The following LRP1B variants were observed in gnomAD, a reference collection of about 807,000 sequenced individuals.
LRP1B encodes low-density lipoprotein receptor-related protein 1B.
Under a neutral mutation model 556.6 loss-of-function variants are expected in LRP1B, and 217 were observed. The observed-to-expected ratio is 0.39, with a 90% CI of 0.35 to 0.44. LRP1B has a LOEUF of 0.44. Ranked by LOEUF, LRP1B falls within the 20% of genes least tolerant of loss-of-function variation. LRP1B has a pLI of 1.00. For missense variants in LRP1B, 5,053 were observed against 5,620.8 expected, an observed-to-expected ratio of 0.90 and a Z score of 3.23; for synonymous variants, 2,047 against 1,865.8, an observed-to-expected ratio of 1.10 and a Z score of -2.50.
intron 41 of LRP1B, among the ~76,000 whole-genome samples, chr2:140,671,937 G>C (rs1430855629): frequency 1.3e-5 from 2 of 152,242 alleles, no homozygotes; most frequent in African/African-American, 4.8e-5. Flanking sequence ...GTCCTCAAAA[G>C]TCTCAAATCA....
intron 1 of LRP1B, among the ~76,000 whole-genome samples, chr2:141,900,348 T>C (rs2104932397): frequency 6.6e-6 from 1 of 152,216 alleles, no homozygotes; most frequent in South Asian, 2.1e-4. Context: ...ATGACACTGT[T>C]TGCAGATATG....
intron 1 of LRP1B, among the ~76,000 whole-genome samples, chr2:142,070,329 G>C (rs1363565232): frequency 6.6e-6 from 1 of 151,736 alleles, no homozygotes. Context: ...CCCACAAAGA[G>C]GCAGTTTATC....
At chr2:140,457,161 T>C (rs536919246) in intron 61 of LRP1B, among the ~76,000 whole-genome samples, 2 of 152,300 alleles carry the variant, frequency 1.3e-5, no homozygotes, top group East Asian at 3.9e-4. Flanking sequence ...GGATCCTCTA[T>C]TTTGTAAACA....
chr2:140,723,484 AAGAG>A (rs532202980), intron 35 of LRP1B, among the ~76,000 whole-genome samples: 1 of 152,310 alleles, frequency 6.6e-6, no homozygotes, highest in Admixed American at 6.5e-5. Context: ...TAAAGAAAGA[AAGAG>A]AGGAGAAGGG....
chr2:141,239,486 T>A (rs993436064), intron 5 of LRP1B, among the ~76,000 whole-genome samples: 3 of 152,080 alleles, frequency 2.0e-5, no homozygotes, highest in Admixed American at 2.0e-4. Context: ...GCTTGTATGC[T>A]GATGTGAATG....
intron 35 of LRP1B, among the ~76,000 whole-genome samples, chr2:140,742,763 G>A (rs1688184489): frequency 6.6e-6 from 1 of 151,880 alleles, no homozygotes; most frequent in African/African-American, 2.4e-5. Context: ...TTAGAGTAAT[G>A]CTACTACAAT....
At chr2:141,741,503 A>AGAT (rs58745533) in intron 2 of LRP1B, among the ~76,000 whole-genome samples, 46,380 of 151,302 alleles carry the variant, frequency 0.31, 7,405 homozygotes, top group East Asian at 0.52. Context: ...TTAACTGGTG[A>AGAT]GATATCTTAT....
intron 54 of LRP1B, 57 bp from the exon 55 acceptor site, chr2:140,501,931 A>T (rs1156525381): frequency 9.7e-6 from 12 of 1,234,078 alleles, no homozygotes; most frequent in Non-Finnish European, 1.3e-5. Context: ...TTTATACTAC[A>T]GTTGTTGAAA....
chr2:141,894,832 T>C (rs1699396754), intron 1 of LRP1B, among the ~76,000 whole-genome samples: 1 of 151,646 alleles, frequency 6.6e-6, no homozygotes, highest in Admixed American at 6.6e-5. Context: ...GACAGATCAC[T>C]TTAAGTTGGG....
intron 2 of LRP1B, among the ~76,000 whole-genome samples, chr2:141,614,881 T>A (rs981286768): frequency 1.3e-5 from 2 of 152,182 alleles, no homozygotes; most frequent in African/African-American, 4.8e-5. Flanking sequence ...CAAACTAATA[T>A]AAATTTTTAT....
chr2:140,706,268 T>A (rs1686833236), intron 37 of LRP1B, among the ~76,000 whole-genome samples: 1 of 152,120 alleles, frequency 6.6e-6, no homozygotes, highest in Non-Finnish European at 1.5e-5. Context: ...TTTGCAGTTG[T>A]GAAAAACGTG....
chr2:140,507,167 C>T, intron 52 of LRP1B, among the ~76,000 whole-genome samples: 1 of 151,906 alleles, frequency 6.6e-6, no homozygotes. Flanking sequence ...CCAGAGTGAC[C>T]CTGAATTCAA....
At chr2:141,565,326 A>T (rs769277584) in intron 2 of LRP1B, among the ~76,000 whole-genome samples, 2 of 152,182 alleles carry the variant, frequency 1.3e-5, no homozygotes, top group African/African-American at 2.4e-5. Context: ...GACACGATTC[A>T]AATGAAATTA....
rs1236166868 is a variant in LRP1B at position 140,716,009 on chromosome 2, T to A, written c.5987A>T (p.Asp1996Val). 1 of 1,611,048 alleles carries A rather than the reference T, an allele frequency of 6.2e-7. No homozygotes were observed. Among genetic ancestry groups the A allele is most frequent in the Non-Finnish European group, 8.5e-7 (1 of 1,177,964 alleles). ...FRYVIISQGL[D>V]QPRSIAVHPE... ...GTGCACAGCTATAGATCTTGGTTGA[T>A]CCAGGCCTTGGGAAATAATTACATA... The change falls in exon 37 of 91, where the codon GAT (aspartate) becomes GTT (valine). Residue 1996 changes from aspartate to valine, a missense_variant. Physicochemically the swap from Asp to Val is radical, Grantham distance 152 (BLOSUM62 -3). Transcript: ENST00000389484.
At chr2:140,787,942 C>T (rs538368284) in intron 32 of LRP1B, among the ~76,000 whole-genome samples, 1 of 152,146 alleles carries the variant, frequency 6.6e-6, no homozygotes, top group South Asian at 2.1e-4. Flanking sequence ...CACTCATACT[C>T]CAAAACCAGG....
chr2:140,702,641 G>C (rs1686691657), intron 37 of LRP1B, 88 bp from the exon 38 acceptor site: 8 of 1,184,440 alleles, frequency 6.8e-6, no homozygotes, highest in Non-Finnish European at 9.9e-6. Context: ...AATAACAGCA[G>C]TAGCATTCAC....
chr2:140,658,616 T>C (rs1014382469), intron 41 of LRP1B, among the ~76,000 whole-genome samples: 2 of 152,100 alleles, frequency 1.3e-5, no homozygotes, highest in South Asian at 2.1e-4. Context: ...AAAATGATGA[T>C]AAAACTCTAT....
chr2:141,866,772 A>G (rs1475203747), intron 1 of LRP1B, among the ~76,000 whole-genome samples: 1 of 151,824 alleles, frequency 6.6e-6, no homozygotes, highest in East Asian at 1.9e-4. Flanking sequence ...AAGAGGAGAA[A>G]AGGGGACAGG....
chr2:141,941,329 T>C (rs922280264), intron 1 of LRP1B, among the ~76,000 whole-genome samples: 1 of 152,332 alleles, frequency 6.6e-6, no homozygotes, highest in South Asian at 2.1e-4. Context: ...TGTGTGTACA[T>C]GGGCCACTCT....
Sources: allele counts gnomAD v4.1 joint callset (sites outside exome capture counted in the v4.1 genomes callset), GRCh38; gene constraint gnomAD v4.1.1; transcripts MANE v1.5; gene names NCBI Gene and HGNC (gene_info 2026-07-23, HGNC 2026-07-21).